Variants in PSMD1 observed in about 807,000 individuals in gnomAD.
PSMD1 encodes proteasome 26S subunit, non-ATPase 1.
In PSMD1, 18 loss-of-function variants were observed where a neutral mutation model predicts 119.0. The ratio of observed to expected loss-of-function variants is 0.15; its 90% CI spans 0.10 to 0.22. PSMD1 has a LOEUF of 0.22. Ranked by LOEUF, PSMD1 falls within the 10% of genes least tolerant of loss-of-function variation. The probability of loss-of-function intolerance (pLI) is 1.00; values close to 1 mark genes in which losing one functional copy is unlikely to be tolerated. For missense variants in PSMD1, 702 were observed against 1,158.5 expected, an observed-to-expected ratio of 0.61 and a Z score of 5.72; for synonymous variants, 374 against 396.6, an observed-to-expected ratio of 0.94 and a Z score of 0.68.
chr2:231,079,717 T>C (rs1190816359), intron 11 of PSMD1, 103 bp downstream of exon 11: 2 of 686,102 alleles, frequency 2.9e-6, no homozygotes, highest in Admixed American at 3.4e-5. Flanking sequence ...AAGTACACTT[T>C]GTTAAGTCAG....
intron 16 of PSMD1, among the ~76,000 whole-genome samples, chr2:231,092,745 C>T (rs1021702552): frequency 6.6e-6 from 1 of 152,172 alleles, no homozygotes; most frequent in African/African-American, 2.4e-5. Flanking sequence ...ACAGACCTCC[C>T]AGCCAAAGTG....
At chr2:231,124,691 C>A (rs1370832409) in intron 16 of PSMD1, among the ~76,000 whole-genome samples, 1 of 152,102 alleles carries the variant, frequency 6.6e-6, no homozygotes, top group Non-Finnish European at 1.5e-5. Context: ...ACTAAATTTG[C>A]CAAATTCAAA....
chr2:231,166,877 A>C (rs1406820450), intron 23 of PSMD1, among the ~76,000 whole-genome samples: 3 of 152,226 alleles, frequency 2.0e-5, no homozygotes, highest in African/African-American at 4.8e-5. Context: ...CAGCTAGAAG[A>C]GATAAAGCCA....
chr2:231,149,644 A>G (rs1447227434), intron 18 of PSMD1, among the ~76,000 whole-genome samples: 2 of 152,248 alleles, frequency 1.3e-5, no homozygotes, highest in Non-Finnish European at 2.9e-5. Flanking sequence ...ATTGACAAGT[A>G]CCCTCTTTGG....
chr2:231,060,487 A>G (rs543784057), intron 1 of PSMD1: 4 of 152,330 alleles, frequency 2.6e-5, no homozygotes, highest in Non-Finnish European at 1.5e-5. Context: ...TTAGTACAAT[A>G]ATTTCCCATA....
intron 16 of PSMD1, among the ~76,000 whole-genome samples, chr2:231,112,353 C>G (rs959251526): frequency 5.9e-5 from 9 of 152,376 alleles, no homozygotes; most frequent in East Asian, 5.8e-4. Flanking sequence ...GCCCCCTCAT[C>G]TAGCCTTTTC....
intron 6 of PSMD1, among the ~76,000 whole-genome samples, chr2:231,071,886 T>C (rs1003255692): frequency 4.6e-5 from 7 of 152,188 alleles, no homozygotes; most frequent in African/African-American, 1.2e-4. Context: ...GTATAACTTA[T>C]GGATAAGATT....
At chr2:231,146,505 T>TG (rs1257717165) in intron 18 of PSMD1, 149 bp downstream of exon 18, 25 of 590,604 alleles carry the variant, frequency 4.2e-5, no homozygotes, top group Admixed American at 5.6e-5. Context: ...TATAAGAGAA[T>TG]GGGGAAACTT....
At chr2:231,118,739 C>T (rs528147184) in intron 16 of PSMD1, among the ~76,000 whole-genome samples, 12 of 152,034 alleles carry the variant, frequency 7.9e-5, no homozygotes, top group African/African-American at 7.2e-5. Flanking sequence ...ACTATTTGTC[C>T]GGAAAATAAT....
Position 231,075,576 on chromosome 2 carries a change from G to GT in PSMD1, c.942+6dup. The GT allele has an allele frequency of 6.2e-7, 1 of 1,604,116 alleles. No individual in the cohort carries two copies. The highest frequency in any genetic ancestry group is 1.1e-5 in the South Asian group (1 of 88,058). ...GTAGGAAAGACACCAGAAGCCGTGA[G>GT]TGTGCTTTTTTTTTTTCCTTTGAGA... On this transcript the variant is annotated splice_donor_region_variant and intron_variant, in intron 8 of 24. Transcript: ENST00000308696.
intron 8 of PSMD1, among the ~76,000 whole-genome samples, chr2:231,076,299 G>A (rs1363614011): frequency 2.0e-5 from 3 of 152,212 alleles, no homozygotes; most frequent in Non-Finnish European, 4.4e-5. Flanking sequence ...TGGACTTTTG[G>A]TTCCTGATGC....
At chr2:231,108,813 T>A (rs1695052188) in intron 16 of PSMD1, 2 of 1,614,044 alleles carry the variant, frequency 1.2e-6, no homozygotes, top group South Asian at 2.2e-5. Context: ...AATGTCTTAT[T>A]GAAGAGGGTG....
At chr2:231,146,159 T>G in intron 17 of PSMD1, 81 bp from the exon 18 acceptor site, 1 of 929,764 alleles carries the variant, frequency 1.1e-6, no homozygotes, top group Non-Finnish European at 1.8e-6. Context: ...AGAATGTCGT[T>G]ACATGGCATG....
chr2:231,083,446 T>A, intron 13 of PSMD1, 121 bp from the exon 14 acceptor site: 1 of 1,013,364 alleles, frequency 9.9e-7, no homozygotes, highest in South Asian at 1.6e-5. Flanking sequence ...TTTAAAAAAA[T>A]GCTATCAGAA....
chr2:231,087,690 C>T (rs536098886), intron 16 of PSMD1, among the ~76,000 whole-genome samples: 4 of 152,050 alleles, frequency 2.6e-5, no homozygotes, highest in African/African-American at 4.8e-5. Flanking sequence ...TGGCTGGGCG[C>T]GGTAGCTCAT....
At chr2:231,059,859 A>T (rs1279226431) in intron 1 of PSMD1, among the ~76,000 whole-genome samples, 4 of 152,224 alleles carry the variant, frequency 2.6e-5, no homozygotes, top group Admixed American at 6.5e-5. Flanking sequence ...TTAAGATGGG[A>T]AATACTAATG....
intron 16 of PSMD1, among the ~76,000 whole-genome samples, chr2:231,101,808 A>G (rs1259141989): frequency 2.6e-5 from 4 of 152,136 alleles, no homozygotes; most frequent in African/African-American, 9.7e-5. Flanking sequence ...CTTTTTAGCT[A>G]TAAAGGTTGT....
chr2:231,116,605 A>G lies in PSMD1; in HGVS notation c.1884-22131A>G, dbSNP rs140482022. 1.4e-3 allele frequency among the ~76,000 whole-genome samples: 211 copies of G among 152,140 alleles called. 2 individuals are homozygous for G. The East Asian group carries it at 0.024, about 17-fold the overall frequency. ...AAGTACGTGTCTTTGGAATTTGACC[A>G]TCTGATCCACATACTCCTAATTGTG... On this transcript the variant is annotated intron_variant, in intron 16 of 24. Transcript: ENST00000308696.
intron 4 of PSMD1, among the ~76,000 whole-genome samples, chr2:231,063,459 A>G (rs1017719385): frequency 2.6e-5 from 4 of 152,236 alleles, no homozygotes; most frequent in Admixed American, 2.6e-4. Context: ...AGGAGTGTGC[A>G]GTGCAGATAT....
Sources: allele counts gnomAD v4.1 joint callset (sites outside exome capture counted in the v4.1 genomes callset), GRCh38; gene constraint gnomAD v4.1.1; transcripts MANE v1.5; gene names NCBI Gene and HGNC (gene_info 2026-07-23, HGNC 2026-07-21).